Variants in ASIC2 observed in about 807,000 individuals in gnomAD.
ASIC2 encodes acid sensing ion channel subunit 2.
Under a neutral mutation model 57.3 loss-of-function variants are expected in ASIC2, and 25 were observed. The ratio of observed to expected loss-of-function variants is 0.44; its 90% CI spans 0.32 to 0.61. The LOEUF (loss-of-function observed/expected upper bound fraction) is 0.61, where lower values mean the gene tolerates loss of function less well. Among genes scored for constraint, ASIC2 ranks in the 20% least tolerant of loss-of-function variants. The pLI is 0.06. For synonymous variants in ASIC2, 319 were observed against 307.5 expected (o/e 1.04, Z -0.39); for missense variants, 641 against 738.1 (o/e 0.87, Z 1.52).
intron 1 of ASIC2, among the ~76,000 whole-genome samples, chr17:33,176,302 T>G (rs1157441999): frequency 6.6e-6 from 1 of 152,190 alleles, no homozygotes; most frequent in Non-Finnish European, 1.5e-5. Flanking sequence ...TCATTTCCCT[T>G]GATACCTCCA....
chr17:34,126,014 G>C (rs1306769460), intron 1 of ASIC2, among the ~76,000 whole-genome samples: 3 of 152,192 alleles, frequency 2.0e-5, no homozygotes, highest in Non-Finnish European at 4.4e-5. Flanking sequence ...TGTGGACTAA[G>C]CTTTCTGCTC....
chr17:33,692,564 C>T (rs186593117), intron 1 of ASIC2: 22 of 152,112 alleles, frequency 1.4e-4, no homozygotes, highest in Admixed American at 1.1e-3. Flanking sequence ...GAAAATGTAC[C>T]GTGAAAATAC....
chr17:33,798,793 T>C (rs1426457706), intron 1 of ASIC2, among the ~76,000 whole-genome samples: 1 of 152,162 alleles, frequency 6.6e-6, no homozygotes, highest in African/African-American at 2.4e-5. Flanking sequence ...CAATGATGAC[T>C]CTTTGGAAGG....
intron 1 of ASIC2, among the ~76,000 whole-genome samples, chr17:34,115,238 T>G (rs573915432): frequency 6.6e-6 from 1 of 152,242 alleles, no homozygotes; most frequent in Non-Finnish European, 1.5e-5. Flanking sequence ...AATTAGAGCA[T>G]GTAGTATCCT....
chr17:33,134,468 C>A (rs2092359922), intron 1 of ASIC2, among the ~76,000 whole-genome samples: 1 of 152,210 alleles, frequency 6.6e-6, no homozygotes, highest in African/African-American at 2.4e-5. Flanking sequence ...CTGTCCCGGG[C>A]AAACTGGGAT....
At chr17:33,122,942 A>G (rs1006106228) in intron 1 of ASIC2, among the ~76,000 whole-genome samples, 5 of 152,198 alleles carry the variant, frequency 3.3e-5, no homozygotes, top group African/African-American at 1.2e-4. Context: ...ACAAGGAGAT[A>G]TCACCTCTCA....
chr17:33,370,575 A>G (rs1909019323), intron 1 of ASIC2, among the ~76,000 whole-genome samples: 1 of 152,218 alleles, frequency 6.6e-6, no homozygotes, highest in Non-Finnish European at 1.5e-5. Flanking sequence ...CGTCTCTGGA[A>G]GCAGGGTGGA....
chr17:33,594,669 A>G (rs1351190512), intron 1 of ASIC2, among the ~76,000 whole-genome samples: 1 of 151,990 alleles, frequency 6.6e-6, no homozygotes, highest in Non-Finnish European at 1.5e-5. Flanking sequence ...TCTACTAAAA[A>G]TACAAAAAAT....
chr17:33,831,198 T>A lies in ASIC2; in HGVS notation c.555+324780A>T, dbSNP rs1913098981. ...AAGAAAATGCTGAAAATCTATAATT[T>A]ATATTTGCATATAAATTATGTTGTA... On this transcript the variant is annotated intron_variant, in intron 1 of 9. Coordinates refer to the ASIC2 transcript ENST00000359872. 4.0e-5 allele frequency among the ~76,000 whole-genome samples: 6 copies of A among 151,544 alleles called. 1 individual carries two copies. The South Asian group carries it at 1.3e-3, about 32-fold the overall frequency.
intron 1 of ASIC2, among the ~76,000 whole-genome samples, chr17:33,577,406 A>T (rs1288320613): frequency 6.6e-6 from 1 of 152,154 alleles, no homozygotes; most frequent in Admixed American, 6.5e-5. Context: ...GTAAAGGAAG[A>T]GGAGCGGCGA....
intron 1 of ASIC2, among the ~76,000 whole-genome samples, chr17:33,788,767 C>T (rs561046181): frequency 6.6e-5 from 10 of 152,156 alleles, no homozygotes; most frequent in South Asian, 2.1e-4. Flanking sequence ...TGGATGAAAC[C>T]GGAAGCCATC....
At chr17:33,250,608 T>C (rs949305482) in intron 1 of ASIC2, among the ~76,000 whole-genome samples, 3 of 152,250 alleles carry the variant, frequency 2.0e-5, no homozygotes, top group Non-Finnish European at 4.4e-5. Context: ...ATTTGTAAGA[T>C]GAGTGGTTTG....
chr17:33,024,158 G>T, intron 5 of ASIC2, 144 bp from the exon 6 acceptor site: 2 of 1,061,256 alleles, frequency 1.9e-6, no homozygotes, highest in Non-Finnish European at 2.7e-6. Context: ...ATTGTGGAGA[G>T]AGGGGAACTG....
intron 1 of ASIC2, among the ~76,000 whole-genome samples, chr17:33,408,228 T>C (rs1910534939): frequency 6.6e-6 from 1 of 152,178 alleles, no homozygotes; most frequent in Admixed American, 6.5e-5. Flanking sequence ...ATAACCAACG[T>C]TTGTTGCATT....
chr17:33,240,574 TTGTC>T (rs1451846681), intron 1 of ASIC2, among the ~76,000 whole-genome samples: 2 of 152,198 alleles, frequency 1.3e-5, no homozygotes, highest in Non-Finnish European at 2.9e-5. Context: ...GTGGAGTTCT[TTGTC>T]TGGATGAGAG....
chr17:33,312,688 A>G (rs1387783762), intron 1 of ASIC2, among the ~76,000 whole-genome samples: 2 of 152,158 alleles, frequency 1.3e-5, no homozygotes, highest in African/African-American at 2.4e-5. Context: ...TAATCCCAGC[A>G]CTTGGGGAAG....
At chr17:33,480,550 G>T (rs1357070314) in intron 1 of ASIC2, among the ~76,000 whole-genome samples, 1 of 152,146 alleles carries the variant, frequency 6.6e-6, no homozygotes, top group African/African-American at 2.4e-5. Flanking sequence ...CAAGAAATAG[G>T]CTGGAGAGGG....
chr17:33,245,328 T>A (rs1908652454), intron 1 of ASIC2, among the ~76,000 whole-genome samples: 2 of 152,154 alleles, frequency 1.3e-5, no homozygotes, highest in South Asian at 4.1e-4. Flanking sequence ...GCTGCTAGGA[T>A]CCTAAAGGGG....
At chr17:33,014,161 T>C in intron 9 of ASIC2, 95 bp from the exon 10 acceptor site, 1 of 951,840 alleles carries the variant, frequency 1.1e-6, no homozygotes. Flanking sequence ...GGGAAGGTGC[T>C]CCCCACTTGT....
Sources: allele counts gnomAD v4.1 joint callset (sites outside exome capture counted in the v4.1 genomes callset), GRCh38; gene constraint gnomAD v4.1.1; transcripts MANE v1.5; gene names NCBI Gene and HGNC (gene_info 2026-07-23, HGNC 2026-07-21).